The following RHD variants were observed in gnomAD, a reference collection of about 807,000 sequenced individuals.
RHD encodes the protein Rh blood group D antigen, also known as blood group Rh(D) polypeptide.
Under a neutral mutation model 45.5 loss-of-function variants are expected in RHD, and 16 were observed. The ratio of observed to expected loss-of-function variants is 0.35; its 90% CI spans 0.24 to 0.53. RHD has a LOEUF of 0.53. RHD is among the 20% of genes least tolerant of loss of function. The pLI, the probability that RHD is intolerant of heterozygous loss-of-function variation, is 0.92. For synonymous variants in RHD, 131 were observed against 217.5 expected, an observed-to-expected ratio of 0.60 and a Z score of 3.50; for missense variants, 306 against 532.0, an observed-to-expected ratio of 0.58 and a Z score of 4.18.
intron 1 of RHD, 122 bp from the exon 2 acceptor site, chr1:25,284,451 A>G (rs1440088206): frequency 1.7e-5 from 17 of 987,914 alleles, no homozygotes; most frequent in Non-Finnish European, 2.6e-5. Context: ...TAACTTGACC[A>G]AATACTTGTA....
In RHD at chr1:25,298,938, A is replaced by AT. The variant is rs1252964123; in HGVS notation, c.487-2002dup. Among the ~76,000 whole-genome samples, 4 of 129,070 alleles carry AT rather than the reference A, an allele frequency of 3.1e-5. 2 individuals are homozygous for AT. Among genetic ancestry groups the AT allele is most frequent in the Non-Finnish European group, 7.3e-5 (4 of 54,900 alleles). 84.7% of individuals were successfully genotyped at this position (129,070 alleles called of 152,430 possible). The stretch of plus-strand genomic sequence containing the variant: ...GCAGCTTCATCTTATCAAGAGGGTG[A>AT]TTTTTTGAGTACAGACCTGAAGGTA... On this transcript the variant is annotated intron_variant, in intron 3 of 9. Transcript: ENST00000328664.
intron 3 of RHD, among the ~76,000 whole-genome samples, chr1:25,299,071 A>AT (rs1296055250): frequency 1.5e-4 from 13 of 89,004 alleles, no homozygotes; most frequent in African/African-American, 4.3e-4. Flanking sequence ...GCACATGGTG[A>AT]TAAAAAAAAA....
chr1:25,283,328 C>T lies in RHD; in HGVS notation c.149-1245C>T, dbSNP rs543516492. ...GGCAGATCACTTGAGGTCAGGAGTT[C>T]GAGACCAGCTTGGCCAACATAGCGA... On this transcript the variant is annotated intron_variant, in intron 1 of 9. Coordinates refer to ENST00000328664, the MANE Select transcript of RHD (RefSeq NM_016124.6). Among the ~76,000 whole-genome samples, 34 of 129,846 alleles carry T rather than the reference C, an allele frequency of 2.6e-4. 6 individuals are homozygous for T. The South Asian group carries it at 4.3e-3, about 16-fold the overall frequency. The allele number at this position is 129,846 out of a possible 152,430, so 85.2% of individuals were successfully genotyped here. A position where few individuals can be genotyped will look rare whatever the true frequency, so the allele number is the denominator to read the frequency against.
chr1:25,297,160 T>C, intron 3 of RHD, among the ~76,000 whole-genome samples: 1 of 100,286 alleles, frequency 1.0e-5, no homozygotes, highest in East Asian at 2.1e-4. Flanking sequence ...CATCTTTCTT[T>C]ATCTTTCATG....
intron 3 of RHD, among the ~76,000 whole-genome samples, chr1:25,298,847 T>G (rs1643144630): frequency 7.8e-6 from 1 of 128,058 alleles, no homozygotes; most frequent in Non-Finnish European, 1.8e-5. Context: ...CAGATAAAAA[T>G]GAAATGGAGA....
chr1:25,321,817 T>C (rs1644726601), intron 8 of RHD, 72 bp from the exon 9 acceptor site: 1 of 755,996 alleles, frequency 1.3e-6, no homozygotes, highest in Non-Finnish European at 2.3e-6. Context: ...TGACACACAA[T>C]ATTTCGATTA....
Position 25,314,139 on chromosome 1 carries a change from G to C in RHD, c.1074-2861G>C, listed in dbSNP as rs1644305121. The stretch of plus-strand genomic sequence containing the variant: ...TGTTGAATTATACAGTATTCACACA[G>C]TCAGCTTTAGTGGCTACTGCTAAAC... On this transcript the variant is annotated intron_variant, in intron 7 of 9. Coordinates refer to ENST00000328664, the MANE Select transcript of RHD (RefSeq NM_016124.6). Among the ~76,000 whole-genome samples, 4 of 133,034 alleles carry C rather than the reference G, an allele frequency of 3.0e-5. 2 individuals carry two copies. The South Asian group carries it at 9.1e-4, about 30-fold the overall frequency. The allele number at this position is 133,034 out of a possible 152,430, so 87.3% of individuals were successfully genotyped here. A position where few individuals can be genotyped will look rare whatever the true frequency, so the allele number is the denominator to read the frequency against.
Position 25,290,420 on chromosome 1 carries a change from C to T in RHD, c.336-221C>T, listed in dbSNP as rs557870623. 2.4e-5 allele frequency among the ~76,000 whole-genome samples: 3 copies of T among 127,210 alleles called. 1 individual carries two copies. In the East Asian group the frequency reaches 5.9e-4, roughly 25 times the overall value. The allele number at this position is 127,210 out of a possible 152,430, so 83.5% of individuals were successfully genotyped here. ...AGTGGTTAAGTCATCTGCCAGACCACATGGCTCAGGGTGCAGAGGCCACCT... is the reference window on the plus strand; with the variant it reads ...AGTGGTTAAGTCATCTGCCAGACCATATGGCTCAGGGTGCAGAGGCCACCT... On this transcript the variant is annotated intron_variant, in intron 2 of 9. Transcript: ENST00000328664.
At position 25,279,220 on chromosome 1, in the gene RHD, G is replaced by A. The variant is rs573432714; in HGVS notation, c.149-5353G>A. On this transcript the variant is annotated intron_variant, in intron 1 of 9. Coordinates refer to ENST00000328664, the MANE Select transcript of RHD (RefSeq NM_016124.6). ...GCCTAAAGTCACACCGCTAATCAGCGGCCGGCACGGGGTAACAGTTACTAA... is the reference window on the plus strand; with the variant it reads ...GCCTAAAGTCACACCGCTAATCAGCAGCCGGCACGGGGTAACAGTTACTAA... 9.3e-4 allele frequency among the ~76,000 whole-genome samples: 117 copies of A among 126,224 alleles called. 14 individuals are homozygous for A. Among genetic ancestry groups the A allele is most frequent in the East Asian group, 5.4e-3 (27 of 5,026 alleles). The allele number at this position is 126,224 out of a possible 152,430, so 82.8% of individuals were successfully genotyped here. A position where few individuals can be genotyped will look rare whatever the true frequency, so the allele number is the denominator to read the frequency against.
chr1:25,297,580 G>A lies in RHD; in HGVS notation c.487-3366G>A, dbSNP rs556741514. Reference sequence around the variant, plus strand: ...GTTTTCTAATTCCATCTTTCCTTCAGTAGTTGGCATTCTTCTGTAAGGAAA... The same window carrying A: ...GTTTTCTAATTCCATCTTTCCTTCAATAGTTGGCATTCTTCTGTAAGGAAA... On this transcript the variant is annotated intron_variant, in intron 3 of 9. Coordinates refer to ENST00000328664, the MANE Select transcript of RHD (RefSeq NM_016124.6). Among the ~76,000 whole-genome samples, 43 of 130,796 alleles carry A rather than the reference G, an allele frequency of 3.3e-4. 6 individuals are homozygous for A. The South Asian group carries it at 8.9e-3, about 27-fold the overall frequency. 85.8% of individuals were successfully genotyped at this position (130,796 alleles called of 152,430 possible). A position where few individuals can be genotyped will look rare whatever the true frequency, so the allele number is the denominator to read the frequency against.
At chr1:25,289,550 G>A (rs909073391) in intron 2 of RHD, among the ~76,000 whole-genome samples, 2 of 129,904 alleles carry the variant, frequency 1.5e-5, no homozygotes, top group African/African-American at 5.3e-5. Context: ...TTTACAAAAT[G>A]CTCTTATAAT....
In RHD at chr1:25,307,645, A is replaced by G. The variant is rs1373149878; in HGVS notation, c.1073+916A>G. 39 of 1,193,302 alleles carry G rather than the reference A, an allele frequency of 3.3e-5. 13 individuals are homozygous for G. The highest frequency in any genetic ancestry group is 4.1e-5 in the Non-Finnish European group (35 of 843,996). 73.9% of individuals were successfully genotyped at this position (1,193,302 alleles called of 1,614,324 possible). A position where few individuals can be genotyped will look rare whatever the true frequency, so the allele number is the denominator to read the frequency against. On this transcript the variant is annotated intron_variant, in intron 7 of 9. Transcript: ENST00000328664. Reference sequence around the variant, plus strand: ...AGATTTAAGAGAAGTTATCTGCCCAAGGTCACTCGGCTGGAACCTGGCTGT... The same window carrying G: ...AGATTTAAGAGAAGTTATCTGCCCAGGGTCACTCGGCTGGAACCTGGCTGT...
intron 3 of RHD, among the ~76,000 whole-genome samples, chr1:25,299,082 A>C: frequency 8.0e-6 from 1 of 125,520 alleles, no homozygotes; most frequent in East Asian, 2.0e-4. Context: ...TAAAAAAAAA[A>C]AAAAAAAAAA....
intron 7 of RHD, chr1:25,307,044 G>C: frequency 2.9e-6 from 1 of 342,222 alleles, no homozygotes; most frequent in Non-Finnish European, 6.0e-6. Flanking sequence ...GGTTCAGGTC[G>C]TGATGCAGAG....
At position 25,291,912 on chromosome 1, in the gene RHD, C is replaced by T. The variant is rs1259449074; in HGVS notation, c.486+1121C>T. Reference sequence around the variant, plus strand: ...GCTGATGCCTGGAGAGGGGAAGGGACTGCCCAAGATCACATAGCAAGATAG... The same window carrying T: ...GCTGATGCCTGGAGAGGGGAAGGGATTGCCCAAGATCACATAGCAAGATAG... On this transcript the variant is annotated intron_variant, in intron 3 of 9. Transcript: ENST00000328664. Among the ~76,000 whole-genome samples, 3 of 132,570 alleles carry T rather than the reference C, an allele frequency of 2.3e-5. 1 individual carries two copies. 87.0% of individuals were successfully genotyped at this position (132,570 alleles called of 152,430 possible). A position where few individuals can be genotyped will look rare whatever the true frequency, so the allele number is the denominator to read the frequency against.
rs763354483 is a variant in RHD at position 25,318,789 on chromosome 1, T to C, written c.1153+1710T>C. ...CTCCCTCTGAGCCTTGGTTAGCTTC[T>C]CTGTAAAATGAAAGGATTATGGTAA... On this transcript the variant is annotated intron_variant, in intron 8 of 9. Coordinates refer to ENST00000328664, the MANE Select transcript of RHD (RefSeq NM_016124.6). Among the ~76,000 whole-genome samples, 5 of 132,502 alleles carry C rather than the reference T, an allele frequency of 3.8e-5. 2 individuals are homozygous for C. Among genetic ancestry groups the C allele is most frequent in the Non-Finnish European group, 8.9e-5 (5 of 55,870 alleles). The allele number at this position is 132,502 out of a possible 152,430, so 86.9% of individuals were successfully genotyped here.
rs1644978790 is a variant in RHD at position 25,330,425 on chromosome 1, A to C, written c.*1501A>C. The C allele has an allele frequency of 1.5e-5, 2 of 133,310 alleles. 1 individual carries two copies. Among genetic ancestry groups the C allele is most frequent in the Non-Finnish European group, 3.6e-5 (2 of 56,254 alleles). 8.3% of individuals were successfully genotyped at this position (133,310 alleles called of 1,614,324 possible). A position where few individuals can be genotyped will look rare whatever the true frequency, so the allele number is the denominator to read the frequency against. ...GTTTACATAATACTTGAAAAATAAA[A>C]ATGAACAAGCTAACAAACTACCAAG... On this transcript the variant is annotated 3_prime_UTR_variant, in exon 10 of 10. Coordinates refer to ENST00000328664, the MANE Select transcript of RHD (RefSeq NM_016124.6).
intron 7 of RHD, among the ~76,000 whole-genome samples, chr1:25,311,616 C>T (rs1644153542): frequency 7.7e-6 from 1 of 130,040 alleles, no homozygotes; most frequent in Admixed American, 7.5e-5. Context: ...ACTCCAAAGC[C>T]ATTTCAGAGA....
intron 1 of RHD, among the ~76,000 whole-genome samples, 179 bp from the exon 2 acceptor site, chr1:25,284,394 T>C (rs1641772230): frequency 7.4e-6 from 1 of 135,658 alleles, no homozygotes; most frequent in Non-Finnish European, 1.8e-5. Flanking sequence ...GCATGTTATG[T>C]TATCCCCATT....
Sources: gnomAD v4.1 joint callset for allele counts (sites outside exome capture counted in the v4.1 genomes callset) on GRCh38, gnomAD v4.1.1 for gene constraint, MANE v1.5 for transcripts, NCBI Gene and HGNC (gene_info 2026-07-23, HGNC 2026-07-21) for gene names.